NCAPD3: variants seen among roughly 807,000 people sequenced by gnomAD.
The protein encoded by NCAPD3 is non-SMC condensin II complex subunit D3, also known as condensin-2 complex subunit D3.
Under a neutral mutation model 182.9 loss-of-function variants are expected in NCAPD3, and 105 were observed. That is an observed-to-expected ratio of 0.57 (90% CI 0.49 to 0.68). The LOEUF (loss-of-function observed/expected upper bound fraction) is 0.68, where lower values mean the gene tolerates loss of function less well. Ranked by LOEUF, NCAPD3 falls within the 30% of genes least tolerant of loss-of-function variation. The probability of loss-of-function intolerance (pLI) is 0.00; values close to 1 mark genes in which losing one functional copy is unlikely to be tolerated. For synonymous variants in NCAPD3, 815 were observed against 679.9 expected, an observed-to-expected ratio of 1.20 and a Z score of -3.09; for missense variants, 1,944 against 1,837.0, an observed-to-expected ratio of 1.06 and a Z score of -1.07.
intron 28 of NCAPD3, 74 bp downstream of exon 28, chr11:134,161,707 G>T: frequency 1.1e-6 from 1 of 902,146 alleles, no homozygotes; most frequent in Non-Finnish European, 1.8e-6. Context: ...TGCCTGCACT[G>T]TCATAACTGG....
intron 19 of NCAPD3, among the ~76,000 whole-genome samples, chr11:134,184,163 G>C (rs1020111439): frequency 2.6e-5 from 4 of 152,190 alleles, no homozygotes; most frequent in African/African-American, 9.6e-5. Context: ...CAACTGTGGG[G>C]ACACGATACC....
intron 27 of NCAPD3, among the ~76,000 whole-genome samples, chr11:134,164,133 C>G (rs973247991): frequency 8.5e-5 from 13 of 152,100 alleles, no homozygotes; most frequent in African/African-American, 3.1e-4. Context: ...CATTGGCAAT[C>G]CAGGCTAGGA....
chr11:134,202,919 AT>A lies in NCAPD3; in HGVS notation c.1526-15del, dbSNP rs775574837. The A allele has an allele frequency of 1.6e-5, 25 of 1,573,906 alleles. No homozygotes were observed. Among genetic ancestry groups the A allele is most frequent in the Non-Finnish European group, 2.0e-5 (23 of 1,155,550 alleles). ...GGTAGGAAAAAGCTTTAAAAAAAAA[AT>A]TACAGTCATTAAGCTAAAAATGTGT... On this transcript the variant is annotated splice_polypyrimidine_tract_variant and intron_variant, in intron 12 of 34. Transcript: ENST00000534548.
intron 24 of NCAPD3, among the ~76,000 whole-genome samples, chr11:134,171,775 A>G (rs1467814575): frequency 3.3e-5 from 5 of 152,082 alleles, no homozygotes; most frequent in Non-Finnish European, 7.4e-5. Flanking sequence ...GCCAACTCTC[A>G]GGGCACTCCC....
In NCAPD3 at chr11:134,178,712, G is replaced by A. The variant is rs553657594; in HGVS notation, c.2704C>T (p.Pro902Ser). The stretch of plus-strand genomic sequence containing the variant: ...ACCTGGGGGGGTGGCTGAGACGCTG[G>A]GGCCTCACTGCTGCCTTGAGATGAT... ...SPSSQGSSEA[P>S]ASQPPPQVRG... Residue 902 changes from proline (P) to serine (S), a missense_variant, in exon 22 of 35, where the codon CCA (proline) becomes TCA (serine). This residue lies in a region of NCAPD3 where 1,803 missense variants were observed against 1,674.6 expected (regional missense o/e 1.08). Coordinates refer to ENST00000534548, the MANE Select transcript of NCAPD3 (RefSeq NM_015261.3). 2 of 1,605,276 alleles carry A rather than the reference G, an allele frequency of 1.2e-6. No individual in the cohort carries two copies. The highest frequency in any genetic ancestry group is 2.7e-5 in the African/African-American group (2 of 74,806).
intron 24 of NCAPD3, among the ~76,000 whole-genome samples, chr11:134,175,683 G>A (rs1944143464): frequency 6.6e-6 from 1 of 151,926 alleles, no homozygotes; most frequent in African/African-American, 2.4e-5. Flanking sequence ...AAGAATTACT[G>A]TTACAACAAA....
chr11:134,154,175 T>C (rs1490264798), intron 32 of NCAPD3: 1 of 152,246 alleles, frequency 6.6e-6, no homozygotes, highest in African/African-American at 2.4e-5. Context: ...GTGCTTAGCA[T>C]CGTGCTGGCT....
At chr11:134,195,054 G>T (rs1944599221) in intron 13 of NCAPD3, among the ~76,000 whole-genome samples, 2 of 152,096 alleles carry the variant, frequency 1.3e-5, no homozygotes, top group South Asian at 4.1e-4. Context: ...TTATTTTAAA[G>T]ATTTGATGAG....
chr11:134,213,395 C>T (rs547161777), intron 3 of NCAPD3, among the ~76,000 whole-genome samples: 40 of 151,820 alleles, frequency 2.6e-4, no homozygotes, highest in African/African-American at 9.6e-4. Flanking sequence ...TCTCAACTCA[C>T]TGCAACCTCT....
At chr11:134,209,507 G>A in intron 4 of NCAPD3, 30 bp from the exon 5 acceptor site, 1 of 1,579,968 alleles carries the variant, frequency 6.3e-7, no homozygotes. Context: ...ACAGGTGACT[G>A]TAATAAATGC....
At chr11:134,165,126 G>A (rs1301540337) in intron 27 of NCAPD3, among the ~76,000 whole-genome samples, 1 of 151,528 alleles carries the variant, frequency 6.6e-6, no homozygotes, top group Non-Finnish European at 1.5e-5. Flanking sequence ...CTTGTGAGAT[G>A]AGCTTAGGGG....
intron 27 of NCAPD3, among the ~76,000 whole-genome samples, chr11:134,164,474 C>G (rs1943697595): frequency 6.6e-6 from 1 of 152,232 alleles, no homozygotes; most frequent in East Asian, 1.9e-4. Flanking sequence ...AGAAAGAAGT[C>G]AGCACCAGAG....
intron 32 of NCAPD3, among the ~76,000 whole-genome samples, chr11:134,155,746 A>T (rs1943400846): frequency 6.6e-6 from 1 of 152,140 alleles, no homozygotes; most frequent in South Asian, 2.1e-4. Flanking sequence ...AGCCAGGAAC[A>T]TCGAACACAC....
chr11:134,187,188 A>G (rs1195253292), intron 16 of NCAPD3, among the ~76,000 whole-genome samples: 1 of 152,162 alleles, frequency 6.6e-6, no homozygotes, highest in East Asian at 1.9e-4. Context: ...ACCAACGGCC[A>G]TGCTTCAGGC....
chr11:134,161,656 T>G, intron 28 of NCAPD3, 125 bp downstream of exon 28: 1 of 679,222 alleles, frequency 1.5e-6, no homozygotes, highest in Non-Finnish European at 2.6e-6. Flanking sequence ...ACCAAGGTAA[T>G]GTTGGGTTTG....
Position 134,188,840 on chromosome 11 carries a change from C to A in NCAPD3, c.2046-3314G>T, listed in dbSNP as rs1207421549. ...CACCAGAAGGAATAAATTCCGGACA[C>A]AAAGGGTATCCTTATAAGAAGAAAT... On this transcript the variant is annotated intron_variant, in intron 16 of 34. Coordinates refer to ENST00000534548, the MANE Select transcript of NCAPD3 (RefSeq NM_015261.3). 2.0e-5 allele frequency among the ~76,000 whole-genome samples: 3 copies of A among 152,164 alleles called. No individual in the cohort carries two copies. The East Asian group carries it at 5.8e-4, about 29-fold the overall frequency.
chr11:134,173,912 G>C (rs1944089731), intron 24 of NCAPD3, among the ~76,000 whole-genome samples: 1 of 150,504 alleles, frequency 6.6e-6, no homozygotes. Flanking sequence ...AGTGAGCCGA[G>C]ATCATGCCAT....
chr11:134,161,844 G>A lies in NCAPD3; in HGVS notation c.3621C>T (p.Ser1207=), dbSNP rs201457595. The A allele has an allele frequency of 4.9e-4, 783 of 1,589,072 alleles. 9 individuals carry two copies. The Admixed American group carries it at 7.3e-3, about 15-fold the overall frequency. Residue 1207 remains serine, a synonymous_variant, in exon 28 of 35, where the codon TCC becomes TCT. Transcript: ENST00000534548. The stretch of plus-strand genomic sequence containing the variant: ...TATTTTTCTCCAGCACAGTCTTCAG[G>A]GAGATGATAATTGGAATAATATTTT... ...FIENIIPIII[S]LKTVLEKNKI...
chr11:134,209,097 T>C (rs559769602), intron 6 of NCAPD3, 48 bp downstream of exon 6: 3 of 1,575,188 alleles, frequency 1.9e-6, no homozygotes, highest in South Asian at 2.3e-5. Flanking sequence ...GGAGCAAAAA[T>C]TGGTACACTA....
Sources: allele counts gnomAD v4.1 joint callset (sites outside exome capture counted in the v4.1 genomes callset), GRCh38; gene constraint gnomAD v4.1.1; regional missense constraint gnomAD v4.1.1; transcripts MANE v1.5; gene names NCBI Gene and HGNC (gene_info 2026-07-23, HGNC 2026-07-21).